CSMD1: variants seen among roughly 807,000 people sequenced by gnomAD.
CSMD1 encodes the protein CUB and Sushi multiple domains 1.
In CSMD1, 213 loss-of-function variants were observed where a neutral mutation model predicts 417.5. The ratio of observed to expected loss-of-function variants is 0.51; its 90% CI spans 0.46 to 0.57. The LOEUF is 0.57. Among genes scored for constraint, CSMD1 ranks in the 20% least tolerant of loss-of-function variants. The pLI is 0.00. For synonymous variants in CSMD1, 2,862 were observed against 1,736.8 expected (o/e 1.65, Z -16.11); for missense variants, 6,923 against 4,529.7 (o/e 1.53, Z -15.17).
At chr8:4,706,130 C>A (rs1246356277) in intron 1 of CSMD1, among the ~76,000 whole-genome samples, 1 of 150,058 alleles carries the variant, frequency 6.7e-6, no homozygotes, top group Non-Finnish European at 1.5e-5. Flanking sequence ...CTATATATTA[C>A]ATATTTTATA....
At chr8:3,354,394 A>C (rs1483026836) in intron 21 of CSMD1, among the ~76,000 whole-genome samples, 2 of 152,168 alleles carry the variant, frequency 1.3e-5, no homozygotes, top group African/African-American at 4.8e-5. Flanking sequence ...TAATATGCAG[A>C]TCTCTATGTT....
intron 3 of CSMD1, among the ~76,000 whole-genome samples, chr8:4,251,114 C>A (rs989628064): frequency 5.9e-5 from 9 of 151,966 alleles, no homozygotes; most frequent in East Asian, 3.9e-4. Context: ...CTGAAGGCTA[C>A]CTATAAATCA....
chr8:4,322,452 A>G (rs1283083848), intron 3 of CSMD1, among the ~76,000 whole-genome samples: 1 of 152,188 alleles, frequency 6.6e-6, no homozygotes, highest in Admixed American at 6.5e-5. Context: ...AAGAGTAGGA[A>G]AAACCCATAG....
At chr8:3,800,553 C>A (rs958111111) in intron 5 of CSMD1, among the ~76,000 whole-genome samples, 4 of 152,108 alleles carry the variant, frequency 2.6e-5, no homozygotes, top group Non-Finnish European at 5.9e-5. Context: ...TATGCAATGG[C>A]TTGGATATGG....
chr8:3,951,907 A>T (rs866295100), intron 5 of CSMD1, among the ~76,000 whole-genome samples: 8 of 151,620 alleles, frequency 5.3e-5, no homozygotes, highest in Non-Finnish European at 1.0e-4. Context: ...AAAAATCTTA[A>T]ATAACCAGTT....
chr8:4,652,799 T>A lies in CSMD1; in HGVS notation c.86-15241A>T, dbSNP rs143354493. On this transcript the variant is annotated intron_variant, in intron 1 of 69. Transcript: ENST00000635120. Reference sequence around the variant, plus strand: ...AATTTTTCTGTGAAGGGTGTGGGGATGGTTTTGGGGCATTAGATTCTCATA... The same window carrying A: ...AATTTTTCTGTGAAGGGTGTGGGGAAGGTTTTGGGGCATTAGATTCTCATA... Among the ~76,000 whole-genome samples, 18 of 152,034 alleles carry A rather than the reference T, an allele frequency of 1.2e-4. No homozygotes were observed. In the South Asian group the frequency reaches 2.3e-3, roughly 19 times the overall value.
intron 2 of CSMD1, among the ~76,000 whole-genome samples, chr8:4,581,802 AG>A (rs1799432566): frequency 6.6e-6 from 1 of 152,148 alleles, no homozygotes; most frequent in Admixed American, 6.5e-5. Context: ...CTAGGCTCTG[AG>A]CAAATGAGTC....
chr8:3,230,285 T>A, intron 26 of CSMD1, 54 bp from the exon 27 acceptor site: 1 of 1,435,434 alleles, frequency 7.0e-7, no homozygotes, highest in Non-Finnish European at 9.3e-7. Context: ...GTTTCCACAT[T>A]CTTGTCGGTG....
intron 3 of CSMD1, among the ~76,000 whole-genome samples, chr8:4,206,372 A>G (rs569641835): frequency 6.6e-6 from 1 of 151,682 alleles, no homozygotes; most frequent in East Asian, 2.0e-4. Flanking sequence ...AGGCCCCGGT[A>G]TGTCATATTC....
In CSMD1 at chr8:4,313,507, G is replaced by GAAA. The variant is rs34466873; in HGVS notation, c.415+106443_415+106445dup. Among the ~76,000 whole-genome samples, 1,007 of 136,762 alleles carry GAAA rather than the reference G, an allele frequency of 7.4e-3. 18 individuals are homozygous for GAAA. The highest frequency in any genetic ancestry group is 0.026 in the African/African-American group (947 of 36,688). 89.7% of individuals were successfully genotyped at this position (136,762 alleles called of 152,430 possible). A position where few individuals can be genotyped will look rare whatever the true frequency, so the allele number is the denominator to read the frequency against. Reference sequence around the variant, plus strand: ...TCCCAAAGGTCTTACATGTCAAAATGAAAAAAAAAAAAAAAATCACGCGTA... The same window carrying GAAA: ...TCCCAAAGGTCTTACATGTCAAAATGAAAAAAAAAAAAAAAAAAATCACGCGTA... On this transcript the variant is annotated intron_variant, in intron 3 of 69. Transcript: ENST00000635120.
intron 4 of CSMD1, among the ~76,000 whole-genome samples, chr8:4,001,937 C>G (rs1420445374): frequency 3.9e-5 from 6 of 152,004 alleles, no homozygotes; most frequent in African/African-American, 1.5e-4. Context: ...TGCATTTCTT[C>G]AGTAGATATG....
At position 3,548,770 on chromosome 8, in the gene CSMD1, G is replaced by C. The variant is rs374988902; in HGVS notation, c.1344+26175C>G. On this transcript the variant is annotated intron_variant, in intron 10 of 69. Coordinates refer to ENST00000635120, the MANE Select transcript of CSMD1 (RefSeq NM_033225.6). Reference sequence around the variant, plus strand: ...GTTTCTAAAGAGTAAGCCCGGCCAAGTTGTTTTCATGCTTAACCACCTTCT... The same window carrying C: ...GTTTCTAAAGAGTAAGCCCGGCCAACTTGTTTTCATGCTTAACCACCTTCT... 3.3e-5 allele frequency among the ~76,000 whole-genome samples: 5 copies of C among 151,548 alleles called. No individual in the cohort carries two copies. In the East Asian group the frequency reaches 7.8e-4, roughly 24 times the overall value.
intron 1 of CSMD1, among the ~76,000 whole-genome samples, chr8:4,673,505 T>C (rs1805480529): frequency 6.6e-6 from 1 of 152,106 alleles, no homozygotes; most frequent in Non-Finnish European, 1.5e-5. Flanking sequence ...ATGTGTTTTG[T>C]TGGAAGAGTT....
chr8:3,242,032 T>G (rs1401392567), intron 26 of CSMD1, among the ~76,000 whole-genome samples: 16 of 73,084 alleles, frequency 2.2e-4, no homozygotes, highest in African/African-American at 6.1e-4. Context: ...AAACGAGCCA[T>G]GAACTGGGCT....
chr8:4,446,137 C>A (rs146115327), intron 2 of CSMD1, among the ~76,000 whole-genome samples: 1 of 152,134 alleles, frequency 6.6e-6, no homozygotes. Context: ...TCGTTACATA[C>A]GTGAGTTTTG....
intron 26 of CSMD1, among the ~76,000 whole-genome samples, chr8:3,259,532 G>C (rs940035618): frequency 6.6e-6 from 1 of 152,140 alleles, no homozygotes; most frequent in Non-Finnish European, 1.5e-5. Flanking sequence ...GTAAGGGGTA[G>C]GTTATTTTAT....
At chr8:4,213,555 A>G (rs1800451564) in intron 3 of CSMD1, among the ~76,000 whole-genome samples, 1 of 152,228 alleles carries the variant, frequency 6.6e-6, no homozygotes, top group Non-Finnish European at 1.5e-5. Context: ...GTCTAGAAAT[A>G]AAACACTTTT....
At position 4,290,660 on chromosome 8, in the gene CSMD1, G is replaced by A. The variant is rs531058275; in HGVS notation, c.415+129293C>T. On this transcript the variant is annotated intron_variant, in intron 3 of 69. Transcript: ENST00000635120. Reference sequence around the variant, plus strand: ...TTGTGAGAAGTATATTCATAATTATGATCCAGGTTTAAGTAGCAGCTTCAA... The same window carrying A: ...TTGTGAGAAGTATATTCATAATTATAATCCAGGTTTAAGTAGCAGCTTCAA... 7.2e-5 allele frequency among the ~76,000 whole-genome samples: 11 copies of A among 152,304 alleles called. No individual in the cohort carries two copies. In the South Asian group the frequency reaches 8.3e-4, roughly 11 times the overall value.
chr8:4,220,124 T>G (rs1460873992), intron 3 of CSMD1, among the ~76,000 whole-genome samples: 4 of 152,074 alleles, frequency 2.6e-5, no homozygotes, highest in Admixed American at 6.6e-5. Context: ...TGATTTTTTG[T>G]ATTTTCAGTA....
Sources: allele counts gnomAD v4.1 joint callset (sites outside exome capture counted in the v4.1 genomes callset), GRCh38; gene constraint gnomAD v4.1.1; transcripts MANE v1.5; gene names NCBI Gene and HGNC (gene_info 2026-07-23, HGNC 2026-07-21).